CD247: variants seen among roughly 807,000 people sequenced by gnomAD.
The protein encoded by CD247 is T-cell surface glycoprotein CD3 zeta chain.
Under a neutral mutation model 30.0 loss-of-function variants are expected in CD247, and 13 were observed. The observed-to-expected ratio is 0.43, with a 90% CI of 0.28 to 0.69. The LOEUF is 0.69. Ranked by LOEUF, CD247 falls within the 30% of genes least tolerant of loss-of-function variation. The pLI is 0.16. For missense variants in CD247, 193 were observed against 212.6 expected (o/e 0.91, Z 0.57); for synonymous variants, 72 against 80.0 (o/e 0.90, Z 0.53).
chr1:167,502,379 T>C (rs1329665913), intron 1 of CD247, among the ~76,000 whole-genome samples: 1 of 152,212 alleles, frequency 6.6e-6, no homozygotes, highest in Non-Finnish European at 1.5e-5. Context: ...CAATGTTGAC[T>C]CAAATCAGGA....
intron 1 of CD247, among the ~76,000 whole-genome samples, chr1:167,495,580 A>C (rs544654238): frequency 6.6e-6 from 1 of 152,126 alleles, no homozygotes; most frequent in Non-Finnish European, 1.5e-5. Flanking sequence ...AAAACATATA[A>C]TCATGTATCT....
At chr1:167,445,149 C>T (rs2102002120) in intron 1 of CD247, among the ~76,000 whole-genome samples, 1 of 152,256 alleles carries the variant, frequency 6.6e-6, no homozygotes, top group Admixed American at 6.5e-5. Flanking sequence ...TGGTCTCAAA[C>T]TCCTGACCTC....
intron 1 of CD247, among the ~76,000 whole-genome samples, chr1:167,464,223 C>T (rs1212472891): frequency 6.6e-6 from 1 of 152,046 alleles, no homozygotes; most frequent in Non-Finnish European, 1.5e-5. Context: ...TTTCTAATTT[C>T]CCCCAAGCAG....
chr1:167,443,434 A>G (rs1651932275), intron 1 of CD247, among the ~76,000 whole-genome samples: 1 of 152,162 alleles, frequency 6.6e-6, no homozygotes, highest in Admixed American at 6.5e-5. Context: ...CCTCTGGGGG[A>G]CAAGCCAGCC....
intron 1 of CD247, among the ~76,000 whole-genome samples, chr1:167,469,058 C>G (rs1270796658): frequency 6.6e-6 from 1 of 152,170 alleles, no homozygotes; most frequent in African/African-American, 2.4e-5. Context: ...TCTCAGCTCT[C>G]TGCAACCTCC....
intron 1 of CD247, 130 bp from the exon 2 acceptor site, chr1:167,440,897 C>G: frequency 2.8e-6 from 2 of 702,332 alleles, no homozygotes; most frequent in South Asian, 1.5e-5. Context: ...ATCCCCATGC[C>G]TCAGCCTGAT....
At chr1:167,503,833 C>G (rs1021267349) in intron 1 of CD247, among the ~76,000 whole-genome samples, 2 of 147,414 alleles carry the variant, frequency 1.4e-5, no homozygotes, top group African/African-American at 5.4e-5. Flanking sequence ...AAAGGCCATG[C>G]CCCCCTACCC....
At chr1:167,482,551 A>G (rs1027693772) in intron 1 of CD247, among the ~76,000 whole-genome samples, 20 of 152,220 alleles carry the variant, frequency 1.3e-4, no homozygotes, top group African/African-American at 4.8e-4. Context: ...AGCAAAGCCC[A>G]TGCTGGCTGG....
Position 167,431,207 on chromosome 1 carries a change from C to T in CD247, c.*474G>A. 2.3e-6 allele frequency: 1 copy of T among 436,578 alleles called. No individual in the cohort carries two copies. The highest frequency in any genetic ancestry group is 4.0e-6 in the Non-Finnish European group (1 of 247,760). 27.0% of individuals were successfully genotyped at this position (436,578 alleles called of 1,614,324 possible). A position where few individuals can be genotyped will look rare whatever the true frequency, so the allele number is the denominator to read the frequency against. ...CGGCCCTCTCACCAGGGAGGCACAACATGGCCCAGTACAGTTACCTTGAAA... is the reference window on the plus strand; with the variant it reads ...CGGCCCTCTCACCAGGGAGGCACAATATGGCCCAGTACAGTTACCTTGAAA... On this transcript the variant is annotated 3_prime_UTR_variant, in exon 8 of 8. Coordinates refer to ENST00000362089, the MANE Select transcript of CD247 (RefSeq NM_198053.3).
chr1:167,470,504 T>TAAAAAAAA (rs55679205), intron 1 of CD247, among the ~76,000 whole-genome samples: 31 of 122,420 alleles, frequency 2.5e-4, no homozygotes, highest in East Asian at 1.3e-3. Flanking sequence ...ATGTTAATTG[T>TAAAAAAAA]AAAAAAAAAA....
At chr1:167,443,939 C>G (rs1385983996) in intron 1 of CD247, among the ~76,000 whole-genome samples, 1 of 152,160 alleles carries the variant, frequency 6.6e-6, no homozygotes, top group Non-Finnish European at 1.5e-5. Context: ...GATGCAGGAC[C>G]TGATTCAGTT....
chr1:167,485,629 G>A (rs572461143), intron 1 of CD247, among the ~76,000 whole-genome samples: 3 of 152,102 alleles, frequency 2.0e-5, no homozygotes, highest in Non-Finnish European at 2.9e-5. Context: ...TGGCTGGCGT[G>A]CTAGGCTCCC....
Position 167,494,557 on chromosome 1 carries a change from G to A in CD247, c.58+23851C>T, listed in dbSNP as rs985837711. Among the ~76,000 whole-genome samples the A allele has an allele frequency of 6.6e-6, 1 of 152,148 alleles. No homozygotes were observed. The highest frequency in any genetic ancestry group is 1.5e-5 in the Non-Finnish European group (1 of 68,022). Reference sequence around the variant, plus strand: ...CTGTGAGGGTCAGATGAGAAAATGGGTGGGGAGGTAATAATTAGTGAACAG... The same window carrying A: ...CTGTGAGGGTCAGATGAGAAAATGGATGGGGAGGTAATAATTAGTGAACAG... On this transcript the variant is annotated intron_variant, in intron 1 of 7. Transcript: ENST00000362089. This position sits in a 1 kb window ranked among gnomAD's most constrained non-coding sequence, Gnocchi z 7.3.
chr1:167,514,053 T>C (rs1159190972), intron 1 of CD247, among the ~76,000 whole-genome samples: 1 of 152,270 alleles, frequency 6.6e-6, no homozygotes, highest in Non-Finnish European at 1.5e-5. Context: ...AATAAACCAT[T>C]AAAGTTAATT....
intron 1 of CD247, among the ~76,000 whole-genome samples, chr1:167,465,661 T>C (rs566769664): frequency 2.6e-5 from 4 of 152,316 alleles, no homozygotes; most frequent in Admixed American, 2.6e-4. Context: ...GTAGTGTTGC[T>C]CTAGTTTCTT....
At position 167,508,548 on chromosome 1, in the gene CD247, C is replaced by G. The variant is rs181670925; in HGVS notation, c.58+9860G>C. On this transcript the variant is annotated intron_variant, in intron 1 of 7. Transcript: ENST00000362089. Reference sequence around the variant, plus strand: ...CAATCTTTATTGTTCCCAATGAAACCCAAAGAAAACGGACAAGATTCATTT... The same window carrying G: ...CAATCTTTATTGTTCCCAATGAAACGCAAAGAAAACGGACAAGATTCATTT... 3.1e-3 allele frequency among the ~76,000 whole-genome samples: 478 copies of G among 152,214 alleles called. 3 individuals carry two copies. The highest frequency in any genetic ancestry group is 0.011 in the African/African-American group (458 of 41,520).
chr1:167,439,599 C>T, intron 2 of CD247, 199 bp from the exon 3 acceptor site: 1 of 602,202 alleles, frequency 1.7e-6, no homozygotes, highest in East Asian at 2.8e-5. Flanking sequence ...TGTCCTTTTT[C>T]CTCCCGCCTG....
chr1:167,457,196 G>C (rs1465797786), intron 1 of CD247, among the ~76,000 whole-genome samples: 2 of 152,190 alleles, frequency 1.3e-5, no homozygotes, highest in Admixed American at 1.3e-4. Context: ...CGGTGCTTTT[G>C]CTCCTGGAAT....
At chr1:167,439,280 T>C in intron 3 of CD247, 64 bp downstream of exon 3, 1 of 1,467,256 alleles carries the variant, frequency 6.8e-7, no homozygotes. Flanking sequence ...GGCGGGCGCG[T>C]TCCCTAGGTC....
Sources: gnomAD v4.1 joint callset for allele counts (sites outside exome capture counted in the v4.1 genomes callset) on GRCh38, gnomAD v4.1.1 for gene constraint, Gnocchi (gnomAD v3.1) non-coding constraint, MANE v1.5 for transcripts, NCBI Gene and HGNC (gene_info 2026-07-23, HGNC 2026-07-21) for gene names.